ENG: variants seen among roughly 807,000 people sequenced by gnomAD.
The protein encoded by ENG is endoglin, also known as CD105 antigen.
ENG carries 17 observed loss-of-function variants against 71.0 expected under a neutral mutation model. The observed-to-expected ratio is 0.24, with a 90% CI of 0.16 to 0.36. The LOEUF is 0.36. Ranked by LOEUF, ENG falls within the 10% of genes least tolerant of loss-of-function variation. The pLI is 1.00. For missense variants in ENG, 749 were observed against 868.3 expected, an observed-to-expected ratio of 0.86 and a Z score of 1.73; for synonymous variants, 360 against 366.9, an observed-to-expected ratio of 0.98 and a Z score of 0.21.
At chr9:127,843,798 T>A (rs1831109470) in intron 1 of ENG, among the ~76,000 whole-genome samples, 1 of 123,386 alleles carries the variant, frequency 8.1e-6, no homozygotes. Context: ...TGAGATGGAG[T>A]TTTGCTCTTC....
intron 1 of ENG, 135 bp from the exon 2 acceptor site, chr9:127,843,380 G>A (rs1831088783): frequency 8.5e-7 from 1 of 1,174,182 alleles, no homozygotes; most frequent in Non-Finnish European, 1.2e-6. Flanking sequence ...TTATGAGGTG[G>A]ATATCATTAT....
chr9:127,830,416 G>A (rs1033846100), intron 2 of ENG, among the ~76,000 whole-genome samples: 1 of 151,532 alleles, frequency 6.6e-6, no homozygotes, highest in African/African-American at 2.4e-5. Flanking sequence ...GCTGAGGCAG[G>A]TGGATCACCT....
In ENG at chr9:127,815,923, TG is replaced by T; in HGVS notation, c.1852+19del. 1 of 1,587,680 alleles carries T rather than the reference TG, an allele frequency of 6.3e-7. No homozygotes were observed. The highest frequency in any genetic ancestry group is 8.6e-7 in the Non-Finnish European group (1 of 1,167,650). On this transcript the variant is annotated intron_variant, in intron 14 of 14. Transcript: ENST00000373203. ...ATGGAGGGGCCCGGCATGCTCACTG[TG>T]GGGGCCTGGGGTACTCACGCGTGTG...
intron 3 of ENG, 30 bp from the exon 4 acceptor site, chr9:127,826,702 T>C (rs1483296328): frequency 6.2e-7 from 1 of 1,612,082 alleles, no homozygotes; most frequent in South Asian, 1.1e-5. Flanking sequence ...CTCAGCACGC[T>C]GTTCCTGGCC....
At chr9:127,834,595 G>C (rs1419813320) in intron 2 of ENG, among the ~76,000 whole-genome samples, 1 of 151,944 alleles carries the variant, frequency 6.6e-6, no homozygotes, top group African/African-American at 2.4e-5. Flanking sequence ...AGTAGAGATG[G>C]GGTTTCACCA....
At chr9:127,826,990 C>A in intron 3 of ENG, 1 of 382,286 alleles carries the variant, frequency 2.6e-6, no homozygotes, top group Admixed American at 3.7e-5. Context: ...TCTCCCTATA[C>A]CCTGAGGCTC....
intron 2 of ENG, among the ~76,000 whole-genome samples, chr9:127,839,049 G>A (rs1323963685): frequency 6.6e-6 from 1 of 152,176 alleles, no homozygotes; most frequent in Non-Finnish European, 1.5e-5. Flanking sequence ...GCCCCATGCC[G>A]CTAGGCCTTT....
chr9:127,831,783 C>CT (rs1232334486), intron 2 of ENG, among the ~76,000 whole-genome samples: 1 of 151,560 alleles, frequency 6.6e-6, no homozygotes, highest in African/African-American at 2.4e-5. Context: ...CCTCTGCCTC[C>CT]TGGGTTCAAG....
chr9:127,828,323 C>G (rs997692434), intron 3 of ENG, among the ~76,000 whole-genome samples: 3 of 152,196 alleles, frequency 2.0e-5, no homozygotes, highest in Admixed American at 1.3e-4. Flanking sequence ...CTTGAGTCAG[C>G]CCCTGTAAAA....
At chr9:127,839,783 T>C (rs905575958) in intron 2 of ENG, among the ~76,000 whole-genome samples, 15 of 152,154 alleles carry the variant, frequency 9.9e-5, no homozygotes, top group Admixed American at 7.9e-4. Flanking sequence ...CTCGAACTCC[T>C]GACCTCAAGT....
chr9:127,826,424 T>G, intron 4 of ENG, 86 bp downstream of exon 4: 2 of 1,561,128 alleles, frequency 1.3e-6, no homozygotes. Context: ...GCACTCTTGG[T>G]GCCCAAGTTT....
chr9:127,833,806 C>T (rs1830828294), intron 2 of ENG, among the ~76,000 whole-genome samples: 1 of 152,202 alleles, frequency 6.6e-6, no homozygotes, highest in South Asian at 2.1e-4. Flanking sequence ...GTTTCAGCCA[C>T]TGGAAAAATC....
chr9:127,827,073 C>T (rs908654584), intron 3 of ENG: 11 of 232,598 alleles, frequency 4.7e-5, no homozygotes, highest in East Asian at 1.0e-4. Flanking sequence ...GTGCTTGACA[C>T]GTAGTACGCA....
rs762957587 is a variant in ENG at position 127,829,809 on chromosome 9, G to A, written c.238C>T (p.Leu80=). 2 of 1,614,106 alleles carry A rather than the reference G, an allele frequency of 1.2e-6. No homozygotes were observed. Among genetic ancestry groups the A allele is most frequent in the Middle Eastern group, 1.6e-4 (1 of 6,062 alleles). The change falls in exon 3 of 15, where the codon CTG becomes TTG. Residue 80 remains leucine, a synonymous_variant. Coordinates refer to ENST00000373203, the MANE Select transcript of ENG (RefSeq NM_001114753.3). The part of the protein sequence containing the change: ...EFPTGPSQLE[L]TLQASKQNGT... The stretch of plus-strand genomic sequence containing the variant: ...TTTTGCTTGGATGCCTGGAGAGTCA[G>A]CTCCAGCTGTGACGGGCCCTGGGGG...
chr9:127,824,764 G>A lies in ENG; in HGVS notation c.991+36C>T, dbSNP rs546536085. 4.3e-5 allele frequency: 64 copies of A among 1,502,752 alleles called. No individual in the cohort carries two copies. The South Asian group carries it at 6.7e-4, about 16-fold the overall frequency. 93.1% of individuals were successfully genotyped at this position (1,502,752 alleles called of 1,614,324 possible). ...CAGTGTGGCCACTGATCCAAGGGAG[G>A]GGAAGGGAAGGGAGGGGCAGGGGAA... On this transcript the variant is annotated intron_variant, in intron 7 of 14. Transcript: ENST00000373203.
At chr9:127,826,002 C>A in intron 4 of ENG, 142 bp from the exon 5 acceptor site, 2 of 1,125,608 alleles carry the variant, frequency 1.8e-6, no homozygotes, top group Non-Finnish European at 1.3e-6. Flanking sequence ...GACCTAGGTT[C>A]GAACTTCCCT....
At chr9:127,816,845 C>T (rs576531906) in intron 13 of ENG, 2 of 494,914 alleles carry the variant, frequency 4.0e-6, no homozygotes, top group African/African-American at 1.9e-5. Flanking sequence ...AGACTCCATC[C>T]TCCCAGCAAG....
chr9:127,819,878 C>G, intron 9 of ENG, 22 bp downstream of exon 9: 1 of 1,614,176 alleles, frequency 6.2e-7, no homozygotes. Context: ...GGTCCTGATA[C>G]CTTTTTGGCC....
rs756342212 is a variant in ENG at position 127,829,833 on chromosome 9, G to T, written c.220-6C>A. The T allele has an allele frequency of 2.2e-5, 35 of 1,613,728 alleles. No individual in the cohort carries two copies. The Middle Eastern group carries it at 2.0e-3, about 91-fold the overall frequency. ...AGCTCCAGCTGTGACGGGCCCTGGG[G>T]GACACAGAGGAGAGACACACACAGT... is the stretch of plus-strand genomic sequence containing the variant. On this transcript the variant is annotated splice_region_variant and splice_polypyrimidine_tract_variant and intron_variant, in intron 2 of 14. Transcript: ENST00000373203.
Sources: gnomAD v4.1 joint callset for allele counts (sites outside exome capture counted in the v4.1 genomes callset) on GRCh38, gnomAD v4.1.1 for gene constraint, MANE v1.5 for transcripts, NCBI Gene and HGNC (gene_info 2026-07-23, HGNC 2026-07-21) for gene names.